LTBP1: variants seen among roughly 807,000 people sequenced by gnomAD.
The protein encoded by LTBP1 is latent-transforming growth factor beta-binding protein 1.
LTBP1 carries 129 observed loss-of-function variants against 207.6 expected under a neutral mutation model. The observed-to-expected ratio is 0.62, with a 90% CI of 0.54 to 0.72. The LOEUF (loss-of-function observed/expected upper bound fraction) is 0.72. Among genes scored for constraint, LTBP1 ranks in the 30% least tolerant of loss-of-function variants. The pLI is 0.00. For synonymous variants in LTBP1, 963 were observed against 833.7 expected, an observed-to-expected ratio of 1.16 and a Z score of -2.67; for missense variants, 2,281 against 2,217.2, an observed-to-expected ratio of 1.03 and a Z score of -0.58.
At chr2:33,069,880 C>G (rs1437049344) in intron 3 of LTBP1, among the ~76,000 whole-genome samples, 1 of 152,218 alleles carries the variant, frequency 6.6e-6, no homozygotes, top group African/African-American at 2.4e-5. Flanking sequence ...GAGCTCTCAA[C>G]AGCTCACAGT....
At chr2:33,288,421 A>G (rs955557776) in intron 19 of LTBP1, among the ~76,000 whole-genome samples, 3 of 152,198 alleles carry the variant, frequency 2.0e-5, no homozygotes, top group African/African-American at 4.8e-5. Context: ...CTTCACCCAG[A>G]TGAATTACAC....
chr2:33,236,734 T>C (rs2092069861), intron 9 of LTBP1, among the ~76,000 whole-genome samples: 1 of 152,212 alleles, frequency 6.6e-6, no homozygotes, highest in African/African-American at 2.4e-5. Context: ...GGATTCATGT[T>C]ACTGTGAATA....
At chr2:33,301,490 T>G (rs1413385131) in intron 21 of LTBP1, 32 bp from the exon 22 acceptor site, 1 of 1,543,138 alleles carries the variant, frequency 6.5e-7, no homozygotes, top group Admixed American at 2.1e-5. Context: ...AAGCACCACT[T>G]CCACAGTTTC....
rs796837342 is a variant in LTBP1, at chr2:33,210,576, G to C, written c.1702-6976G>C. 6.6e-5 allele frequency among the ~76,000 whole-genome samples: 10 copies of C among 152,212 alleles called. 1 individual carries two copies. Among genetic ancestry groups the C allele is most frequent in the African/African-American group, 2.2e-4 (9 of 41,542 alleles). ...ATAAACTTTTTTGCTTTGAGAAAAGGAACTATGATGCTTCTTTTCCCCTGT... is the reference window on the plus strand; with the variant it reads ...ATAAACTTTTTTGCTTTGAGAAAAGCAACTATGATGCTTCTTTTCCCCTGT... On this transcript the variant is annotated intron_variant, in intron 7 of 33. Transcript: ENST00000404816.
intron 24 of LTBP1, among the ~76,000 whole-genome samples, chr2:33,315,700 C>T (rs1382662824): frequency 6.6e-6 from 1 of 152,144 alleles, no homozygotes; most frequent in African/African-American, 2.4e-5. Flanking sequence ...CTTTTGGAGG[C>T]CCAGGCAGGT....
intron 10 of LTBP1, among the ~76,000 whole-genome samples, chr2:33,247,200 C>T (rs980830716): frequency 6.6e-6 from 1 of 152,188 alleles, no homozygotes; most frequent in Non-Finnish European, 1.5e-5. Flanking sequence ...AAGATGTGCT[C>T]AGGAACTTCT....
intron 15 of LTBP1, among the ~76,000 whole-genome samples, chr2:33,271,773 CT>C (rs2093327734): frequency 6.6e-6 from 1 of 151,914 alleles, no homozygotes; most frequent in Non-Finnish European, 1.5e-5. Flanking sequence ...TAATTTGTGC[CT>C]GTGTTTTTTT....
chr2:33,252,625 C>A, intron 10 of LTBP1, 52 bp from the exon 11 acceptor site: 1 of 1,512,356 alleles, frequency 6.6e-7, no homozygotes, highest in Non-Finnish European at 9.0e-7. Context: ...TTTGGAAAGC[C>A]AATGTAGTTT....
intron 20 of LTBP1, among the ~76,000 whole-genome samples, chr2:33,295,838 A>G (rs1276966102): frequency 6.6e-6 from 1 of 152,212 alleles, no homozygotes; most frequent in East Asian, 1.9e-4. Flanking sequence ...GTAAATGAAT[A>G]CCCTGGTATC....
intron 9 of LTBP1, among the ~76,000 whole-genome samples, chr2:33,223,246 T>C (rs555784733): frequency 2.0e-5 from 3 of 152,256 alleles, no homozygotes; most frequent in Non-Finnish European, 4.4e-5. Flanking sequence ...ATTTTTTATC[T>C]GAGAATTTTC....
At position 33,360,966 on chromosome 2, in the gene LTBP1, C is replaced by T. The variant is rs373358691; in HGVS notation, c.4183+187C>T. On this transcript the variant is annotated intron_variant, in intron 27 of 33. Transcript: ENST00000404816. ...GAATCCTTGAACTTCTCTTCATCATCGTGTACTTTGACAGTCAGGTTCTTT... is the reference window on the plus strand; with the variant it reads ...GAATCCTTGAACTTCTCTTCATCATTGTGTACTTTGACAGTCAGGTTCTTT... Among the ~76,000 whole-genome samples, 4 of 152,206 alleles carry T rather than the reference C, an allele frequency of 2.6e-5. No individual in the cohort carries two copies. The East Asian group carries it at 5.8e-4, about 22-fold the overall frequency.
chr2:33,229,280 G>C (rs2091649189), intron 9 of LTBP1, among the ~76,000 whole-genome samples: 1 of 151,920 alleles, frequency 6.6e-6, no homozygotes, highest in Admixed American at 6.6e-5. Context: ...AACCAGCCTG[G>C]GCAACAAAGC....
At chr2:33,284,634 A>C (rs892704223) in intron 19 of LTBP1, among the ~76,000 whole-genome samples, 4 of 152,214 alleles carry the variant, frequency 2.6e-5, no homozygotes, top group African/African-American at 7.2e-5. Context: ...CTCAATTTAC[A>C]GGTTCTTCTT....
intron 3 of LTBP1, among the ~76,000 whole-genome samples, chr2:33,049,308 A>G (rs2076609167): frequency 6.6e-6 from 1 of 152,264 alleles, no homozygotes; most frequent in South Asian, 2.1e-4. Context: ...GACATTGGGG[A>G]AAATGGAAAG....
In LTBP1 at chr2:33,143,790, T is replaced by G. The variant is rs79095987; in HGVS notation, c.1201+8830T>G. Among the ~76,000 whole-genome samples, 96 of 134,322 alleles carry G rather than the reference T, an allele frequency of 7.1e-4. 1 individual carries two copies. Among genetic ancestry groups the G allele is most frequent in the African/African-American group, 6.0e-4 (22 of 36,648 alleles). 88.1% of individuals were successfully genotyped at this position (134,322 alleles called of 152,430 possible). On this transcript the variant is annotated intron_variant, in intron 5 of 33. Coordinates refer to ENST00000404816, the MANE Select transcript of LTBP1 (RefSeq NM_206943.4). ...TCTGCCTGTGCTGTTTTTTGTTGTT[T>G]TTTTTTTTTTTCTTTCCTATTATAC...
At chr2:33,039,554 G>A (rs767440554) in intron 3 of LTBP1, among the ~76,000 whole-genome samples, 2 of 152,036 alleles carry the variant, frequency 1.3e-5, no homozygotes, top group Non-Finnish European at 2.9e-5. Flanking sequence ...CAAATATATC[G>A]AGACACCAAG....
intron 22 of LTBP1, among the ~76,000 whole-genome samples, chr2:33,306,087 C>A (rs114699868): frequency 0.031 from 4,779 of 152,240 alleles, 118 homozygotes; most frequent in Non-Finnish European, 0.051. Context: ...TAATGTTCAA[C>A]CTTCTTATTG....
At chr2:32,973,021 G>GT (rs962049976) in intron 2 of LTBP1, among the ~76,000 whole-genome samples, 2 of 152,156 alleles carry the variant, frequency 1.3e-5, no homozygotes, top group Non-Finnish European at 2.9e-5. Flanking sequence ...TATTATTTTG[G>GT]TTTTTTTGAA....
chr2:33,052,928 G>A (rs895052595), intron 3 of LTBP1, among the ~76,000 whole-genome samples: 4 of 151,650 alleles, frequency 2.6e-5, no homozygotes, highest in Non-Finnish European at 5.9e-5. Flanking sequence ...AGGCTGGAGT[G>A]CAGTGGTGTG....
Sources: allele counts gnomAD v4.1 joint callset (sites outside exome capture counted in the v4.1 genomes callset), GRCh38; gene constraint gnomAD v4.1.1; transcripts MANE v1.5; gene names NCBI Gene and HGNC (gene_info 2026-07-23, HGNC 2026-07-21).